ZKSCAN1: variants seen among roughly 807,000 people sequenced by gnomAD.
The protein encoded by ZKSCAN1 is zinc finger with KRAB and SCAN domains 1.
In ZKSCAN1, 14 loss-of-function variants were observed where a neutral mutation model predicts 51.6. The ratio of observed to expected loss-of-function variants is 0.27; its 90% CI spans 0.18 to 0.42. The LOEUF (loss-of-function observed/expected upper bound fraction) is 0.42. ZKSCAN1 is among the 10% of genes least tolerant of loss of function. The probability of loss-of-function intolerance (pLI) is 1.00; values close to 1 mark genes in which losing one functional copy is unlikely to be tolerated. For synonymous variants in ZKSCAN1, 263 were observed against 261.5 expected, an observed-to-expected ratio of 1.01 and a Z score of -0.06; for missense variants, 531 against 710.0, an observed-to-expected ratio of 0.75 and a Z score of 2.86.
intron 1 of ZKSCAN1, among the ~76,000 whole-genome samples, chr7:100,022,300 G>A (rs764381286): frequency 1.3e-5 from 2 of 152,154 alleles, no homozygotes; most frequent in African/African-American, 2.4e-5. Context: ...TGATCCGCAC[G>A]CCTTGGCCTC....
intron 3 of ZKSCAN1, 148 bp from the exon 4 acceptor site, chr7:100,029,713 C>G (rs1177472585): frequency 7.4e-6 from 5 of 676,776 alleles, no homozygotes; most frequent in South Asian, 6.2e-5. Context: ...CCTGTGTTCT[C>G]TCGTTTGTGT....
At position 100,034,176 on chromosome 7, in the gene ZKSCAN1, G is replaced by C; in HGVS notation, c.1671G>C (p.Ala557=). The C allele has an allele frequency of 6.6e-7, 1 of 1,510,224 alleles. No individual in the cohort carries two copies. Among genetic ancestry groups the C allele is most frequent in the Non-Finnish European group, 8.8e-7 (1 of 1,136,582 alleles). The allele number at this position is 1,510,224 out of a possible 1,614,324, so 93.6% of individuals were successfully genotyped here. A position where few individuals can be genotyped will look rare whatever the true frequency, so the allele number is the denominator to read the frequency against. Residue 557 remains alanine, a synonymous_variant, in exon 6 of 6, where the codon GCG becomes GCC. Transcript: ENST00000324306. ...CAGCCTCCCTTGATGCATTTGGCGC[G>C]TTCCTGAAAAGTTGTGTGTAAAGGA... ...YSPASLDAFG[A]FLKSCV
chr7:100,029,603 A>G (rs1409950692), intron 3 of ZKSCAN1, among the ~76,000 whole-genome samples: 1 of 152,108 alleles, frequency 6.6e-6, no homozygotes, highest in Non-Finnish European at 1.5e-5. Context: ...AGTCTCAGGG[A>G]CTCAAGTTTC....
Position 100,034,614 on chromosome 7 carries a change from C to A in ZKSCAN1, c.*417C>A. 1.0e-6 allele frequency: 1 copy of A among 969,084 alleles called. No homozygotes were observed. The highest frequency in any genetic ancestry group is 1.2e-6 in the Non-Finnish European group (1 of 812,458). 60.0% of individuals were successfully genotyped at this position (969,084 alleles called of 1,614,324 possible). On this transcript the variant is annotated 3_prime_UTR_variant, in exon 6 of 6. Coordinates refer to ENST00000324306, the MANE Select transcript of ZKSCAN1 (RefSeq NM_003439.4). Reference sequence around the variant, plus strand: ...TTGCTGCAAACAAGCCCTACTTTGGCCAACATCCTGCTTATTTCTCAAAAA... The same window carrying A: ...TTGCTGCAAACAAGCCCTACTTTGGACAACATCCTGCTTATTTCTCAAAAA...
chr7:100,044,596 G>A (rs1471683282), downstream of ZKSCAN1, among the ~76,000 whole-genome samples: 1 of 151,230 alleles, frequency 6.6e-6, no homozygotes, highest in Non-Finnish European at 1.5e-5. Flanking sequence ...CAGGAGAATG[G>A]CGTGAACCCG....
intron 1 of ZKSCAN1, among the ~76,000 whole-genome samples, chr7:100,016,341 T>A (rs1264259669): frequency 6.6e-6 from 1 of 152,136 alleles, no homozygotes; most frequent in Non-Finnish European, 1.5e-5. Context: ...CCCCACTCTT[T>A]CAGCTTGATG....
At position 100,034,146 on chromosome 7, in the gene ZKSCAN1, C is replaced by T; in HGVS notation, c.1641C>T (p.Tyr547=). The T allele has an allele frequency of 2.5e-6, 4 of 1,569,600 alleles. No homozygotes were observed. The highest frequency in any genetic ancestry group is 3.4e-6 in the Non-Finnish European group (4 of 1,163,152). ...RIHARERASE[Y]SPASLDAFGA... is the part of the protein sequence containing the mutation. ...ATGCCAGAGAGAGAGCCTCTGAGTA[C>T]AGCCCAGCCTCCCTTGATGCATTTG... Residue 547 remains tyrosine (Y), a synonymous_variant, in exon 6 of 6, where the codon TAC becomes TAT. Transcript: ENST00000324306.
At chr7:100,044,772 C>A (rs1306797088), downstream of ZKSCAN1, 1 of 983,370 alleles carries the variant, frequency 1.0e-6, no homozygotes, top group East Asian at 1.1e-4. Context: ...CTTTTCCTTT[C>A]AATTTCTTTA....
At chr7:100,026,675 A>G (rs1208456287) in intron 3 of ZKSCAN1, among the ~76,000 whole-genome samples, 1 of 151,976 alleles carries the variant, frequency 6.6e-6, no homozygotes, top group Non-Finnish European at 1.5e-5. Flanking sequence ...TGGTGAGCCA[A>G]GATTGCACCA....
Position 100,034,595 on chromosome 7 carries a change from C to G in ZKSCAN1, c.*398C>G. The stretch of plus-strand genomic sequence containing the variant: ...ACGGAGGTTAGGATGCTACTTGCTG[C>G]AAACAAGCCCTACTTTGGCCAACAT... On this transcript the variant is annotated 3_prime_UTR_variant, in exon 6 of 6. Coordinates refer to ENST00000324306, the MANE Select transcript of ZKSCAN1 (RefSeq NM_003439.4). 1.0e-6 allele frequency: 1 copy of G among 987,378 alleles called. No individual in the cohort carries two copies. The highest frequency in any genetic ancestry group is 1.2e-6 in the Non-Finnish European group (1 of 829,950). 61.2% of individuals were successfully genotyped at this position (987,378 alleles called of 1,614,324 possible).
In ZKSCAN1 at chr7:100,041,140, T is replaced by C. The variant is rs1791577096; in HGVS notation, c.*6943T>C. The C allele has an allele frequency of 2.6e-6, 2 of 780,232 alleles. No homozygotes were observed. Among genetic ancestry groups the C allele is most frequent in the Non-Finnish European group, 3.1e-6 (2 of 642,908 alleles). 48.3% of individuals were successfully genotyped at this position (780,232 alleles called of 1,614,324 possible). ...TTGTCTTGTTTATTTGTAGACTGGA[T>C]TAAAAACAACCTGTCCTGTTTTGTC... On this transcript the variant is annotated 3_prime_UTR_variant, in exon 6 of 6. Transcript: ENST00000324306.
At chr7:100,025,110 G>A (rs548507759) in intron 3 of ZKSCAN1, 1 of 151,836 alleles carries the variant, frequency 6.6e-6, no homozygotes, top group East Asian at 1.9e-4. Flanking sequence ...ATTATTTATT[G>A]AATTATCAGC....
Position 100,034,335 on chromosome 7 carries a change from C to CA in ZKSCAN1, c.*139dup. 6.9e-7 allele frequency: 1 copy of CA among 1,444,078 alleles called. No individual in the cohort carries two copies. Among genetic ancestry groups the CA allele is most frequent in the Non-Finnish European group, 9.0e-7 (1 of 1,108,324 alleles). 89.5% of individuals were successfully genotyped at this position (1,444,078 alleles called of 1,614,324 possible). On this transcript the variant is annotated 3_prime_UTR_variant, in exon 6 of 6. Coordinates refer to ENST00000324306, the MANE Select transcript of ZKSCAN1 (RefSeq NM_003439.4). ...TCACACTTAAGGATCCTTCTAGTCACATCAGCAGTGTTCTGCCTTTATGTA... is the reference window on the plus strand; with the variant it reads ...TCACACTTAAGGATCCTTCTAGTCACAATCAGCAGTGTTCTGCCTTTATGTA...
chr7:100,043,264 C>G (rs1791644648), downstream of ZKSCAN1, among the ~76,000 whole-genome samples: 1 of 150,256 alleles, frequency 6.7e-6, no homozygotes, highest in African/African-American at 2.5e-5. Context: ...TGGGGGTCCC[C>G]CTATGTTGCC....
chr7:100,020,641 G>A (rs528677785), intron 1 of ZKSCAN1, among the ~76,000 whole-genome samples: 65 of 152,264 alleles, frequency 4.3e-4, no homozygotes, highest in African/African-American at 1.4e-3. Context: ...GGGCGATAGA[G>A]CAAGACTCCG....
chr7:100,018,940 G>C (rs532036269), intron 1 of ZKSCAN1, among the ~76,000 whole-genome samples: 1 of 152,324 alleles, frequency 6.6e-6, no homozygotes, highest in African/African-American at 2.4e-5. Flanking sequence ...TTCCTCCTTA[G>C]AGTCGCATCT....
rs1791286675 is a variant in ZKSCAN1 at position 100,034,957 on chromosome 7, T to TTA, written c.*760_*761insTA. ...CCTAAAGCACTATCGCACTCCTAAA[T>TTA]GCATTTCTCCACAAGTTAGCACTTG... is the stretch of plus-strand genomic sequence containing the variant. On this transcript the variant is annotated 3_prime_UTR_variant, in exon 6 of 6. Transcript: ENST00000324306. 2 of 152,640 alleles carry TTA rather than the reference T, an allele frequency of 1.3e-5. No homozygotes were observed. Among genetic ancestry groups the TTA allele is most frequent in the African/African-American group, 4.8e-5 (2 of 41,454 alleles). The allele number at this position is 152,640 out of a possible 1,614,324, so 9.5% of individuals were successfully genotyped here. A position where few individuals can be genotyped will look rare whatever the true frequency, so the allele number is the denominator to read the frequency against.
In ZKSCAN1 at chr7:100,037,224, CATTCT is replaced by C; in HGVS notation, c.*3029_*3033del. ...CGCTGAAGTCTGTTAACAGTTGAAA[CATTCT>C]ACAGTTAACCATTAGCATGCTAGTT... On this transcript the variant is annotated 3_prime_UTR_variant, in exon 6 of 6. Transcript: ENST00000324306. 1 of 985,434 alleles carries C rather than the reference CATTCT, an allele frequency of 1.0e-6. No homozygotes were observed. The highest frequency in any genetic ancestry group is 1.2e-6 in the Non-Finnish European group (1 of 829,922). The allele number at this position is 985,434 out of a possible 1,614,324, so 61.0% of individuals were successfully genotyped here.
intron 1 of ZKSCAN1, among the ~76,000 whole-genome samples, chr7:100,019,992 T>C (rs1303883010): frequency 1.3e-5 from 2 of 152,224 alleles, no homozygotes; most frequent in Admixed American, 1.3e-4. Context: ...CATGAGCCGC[T>C]GCGCTCAGCC....
Sources: allele counts gnomAD v4.1 joint callset (sites outside exome capture counted in the v4.1 genomes callset), GRCh38; gene constraint gnomAD v4.1.1; transcripts MANE v1.5; gene names NCBI Gene and HGNC (gene_info 2026-07-23, HGNC 2026-07-21).